The following HERC3 variants were observed in gnomAD, a reference collection of about 807,000 sequenced individuals.
HERC3 encodes the protein HECT and RLD domain containing E3 ubiquitin protein ligase 3.
A neutral mutation model predicts 129.9 loss-of-function variants in HERC3; 58 were observed. The ratio of observed to expected loss-of-function variants is 0.45; its 90% CI spans 0.36 to 0.56. The LOEUF (loss-of-function observed/expected upper bound fraction) is 0.56. Ranked by LOEUF, HERC3 falls within the 20% of genes least tolerant of loss-of-function variation. HERC3 has a pLI of 0.00. For synonymous variants in HERC3, 430 were observed against 451.0 expected (o/e 0.95, Z 0.59); for missense variants, 835 against 1,244.2 (o/e 0.67, Z 4.95).
intron 23 of HERC3, among the ~76,000 whole-genome samples, chr4:88,692,313 C>T (rs918717419): frequency 2.0e-5 from 3 of 150,896 alleles, no homozygotes; most frequent in Non-Finnish European, 2.9e-5. Context: ...TTCCCATTTT[C>T]CCCATATTAA....
At chr4:88,678,667 C>T (rs1303662365) in intron 19 of HERC3, among the ~76,000 whole-genome samples, 1 of 152,132 alleles carries the variant, frequency 6.6e-6, no homozygotes, top group East Asian at 1.9e-4. Context: ...GTAGGTATTC[C>T]AGAAATACTT....
intron 1 of HERC3, among the ~76,000 whole-genome samples, chr4:88,594,008 T>G (rs147114001): frequency 6.6e-6 from 1 of 152,346 alleles, no homozygotes; most frequent in East Asian, 1.9e-4. Flanking sequence ...GCTAGGAACT[T>G]TCTGTAAAAA....
At chr4:88,680,922 T>C in intron 20 of HERC3, 1 of 640,874 alleles carries the variant, frequency 1.6e-6, no homozygotes, top group Non-Finnish European at 1.9e-6. Context: ...ATGGCCCTGC[T>C]CTAGATGACT....
chr4:88,607,092 G>A (rs750926643), intron 3 of HERC3, among the ~76,000 whole-genome samples: 5 of 152,138 alleles, frequency 3.3e-5, no homozygotes, highest in African/African-American at 4.8e-5. Context: ...ATGCAAGTCT[G>A]TGTTATGTAA....
the HERC3 span, chr4:88,527,736 GA>G: frequency 6.5e-6 from 2 of 308,764 alleles, no homozygotes; most frequent in South Asian, 6.3e-5. Flanking sequence ...GTTCTGTCAA[GA>G]AAAACAGGTG....
chr4:88,534,917 T>C, the HERC3 span, among the ~76,000 whole-genome samples: 2 of 152,316 alleles, frequency 1.3e-5, no homozygotes, highest in South Asian at 4.1e-4. Flanking sequence ...AAGAAGTATT[T>C]TTTTGTATTC....
chr4:88,647,390 GA>G (rs1488742560), intron 3 of HERC3, among the ~76,000 whole-genome samples: 1 of 152,188 alleles, frequency 6.6e-6, no homozygotes, highest in Non-Finnish European at 1.5e-5. Context: ...CCTCAGTCGT[GA>G]ATAAGGCATC....
At chr4:88,680,747 G>A (rs1732689583) in intron 20 of HERC3, among the ~76,000 whole-genome samples, 1 of 152,198 alleles carries the variant, frequency 6.6e-6, no homozygotes, top group Non-Finnish European at 1.5e-5. Flanking sequence ...CTAGCCACAT[G>A]TGGTTATTTA....
At chr4:88,679,607 C>T (rs536701078) in intron 19 of HERC3, among the ~76,000 whole-genome samples, 1 of 151,484 alleles carries the variant, frequency 6.6e-6, no homozygotes, top group East Asian at 1.9e-4. Context: ...GCAACCTCTG[C>T]CTCCCACATT....
At chr4:88,591,214 G>A (rs931740980), upstream of HERC3, among the ~76,000 whole-genome samples, 11 of 152,164 alleles carry the variant, frequency 7.2e-5, no homozygotes, top group South Asian at 2.1e-4. Flanking sequence ...TTCTAAACGT[G>A]TCAAGTGTGA....
the HERC3 span, among the ~76,000 whole-genome samples, chr4:88,573,840 C>G: frequency 6.6e-6 from 1 of 152,184 alleles, no homozygotes; most frequent in South Asian, 2.1e-4. Flanking sequence ...TAAGATTTGT[C>G]AGTCTGTTGC....
the HERC3 span, among the ~76,000 whole-genome samples, chr4:88,564,149 T>C: frequency 2.6e-5 from 4 of 152,234 alleles, no homozygotes; most frequent in Non-Finnish European, 4.4e-5. Flanking sequence ...CTATTTGGTC[T>C]TAATGAATTA....
At chr4:88,634,080 G>C (rs1371994869) in intron 3 of HERC3, among the ~76,000 whole-genome samples, 1 of 152,200 alleles carries the variant, frequency 6.6e-6, no homozygotes, top group East Asian at 1.9e-4. Context: ...CCCACGGAGA[G>C]GAAGGAAGAG....
intron 3 of HERC3, among the ~76,000 whole-genome samples, chr4:88,637,163 T>A (rs1305605202): frequency 1.3e-5 from 2 of 151,678 alleles, no homozygotes; most frequent in Non-Finnish European, 2.9e-5. Context: ...TGGTGGCTCA[T>A]GCCTGTAATC....
At chr4:88,687,667 G>A (rs1334104026) in intron 23 of HERC3, among the ~76,000 whole-genome samples, 1 of 152,204 alleles carries the variant, frequency 6.6e-6, no homozygotes, top group African/African-American at 2.4e-5. Context: ...ACTTTGGAAT[G>A]AATGGACTCC....
At position 88,609,563 on chromosome 4, in the gene HERC3, G is replaced by C. The variant is rs117710291; in HGVS notation, c.226+3514G>C. On this transcript the variant is annotated intron_variant, in intron 3 of 25. Coordinates refer to ENST00000402738, the MANE Select transcript of HERC3 (RefSeq NM_014606.3). ...CCAGGAAATAATTGCCTGTCCCTGG[G>C]CAAGTTTCTTCCTATTTCTGAGTCA... Among the ~76,000 whole-genome samples the C allele has an allele frequency of 1.7e-4, 26 of 152,212 alleles. No homozygotes were observed. In the East Asian group the frequency reaches 4.2e-3, roughly 25 times the overall value.
the HERC3 span, among the ~76,000 whole-genome samples, chr4:88,561,096 G>C: frequency 6.6e-6 from 1 of 151,942 alleles, no homozygotes; most frequent in Non-Finnish European, 1.5e-5. Flanking sequence ...TGAATTTTAG[G>C]GTTTTGTTTT....
chr4:88,634,104 C>G (rs1473065066), intron 3 of HERC3, among the ~76,000 whole-genome samples: 1 of 146,990 alleles, frequency 6.8e-6, no homozygotes, highest in Admixed American at 6.7e-5. Context: ...TGTGGTGCGG[C>G]GGCCCACCTG....
At chr4:88,568,443 A>G in the HERC3 span, among the ~76,000 whole-genome samples, 1 of 152,128 alleles carries the variant, frequency 6.6e-6, no homozygotes, top group African/African-American at 2.4e-5. Context: ...AACTTTAGGA[A>G]TCTACATGGT....
Sources: allele counts gnomAD v4.1 joint callset (sites outside exome capture counted in the v4.1 genomes callset), GRCh38; gene constraint gnomAD v4.1.1; transcripts MANE v1.5; gene names NCBI Gene and HGNC (gene_info 2026-07-23, HGNC 2026-07-21).